SLC17A1: variants seen among roughly 807,000 people sequenced by gnomAD.
SLC17A1 encodes the protein solute carrier family 17 member 1.
Under a neutral mutation model 53.5 loss-of-function variants are expected in SLC17A1, and 51 were observed. That is an observed-to-expected ratio of 0.95 (90% CI 0.76 to 1.20). SLC17A1 has a LOEUF of 1.20. SLC17A1 is among the 50% of genes most tolerant of loss of function. The pLI, the probability that SLC17A1 is intolerant of heterozygous loss-of-function variation, is 0.00. For synonymous variants in SLC17A1, 179 were observed against 198.8 expected, an observed-to-expected ratio of 0.90 and a Z score of 0.84; for missense variants, 538 against 568.2, an observed-to-expected ratio of 0.95 and a Z score of 0.54.
intron 12 of SLC17A1, 114 bp downstream of exon 12, chr6:25,798,669 C>G: frequency 1.1e-6 from 1 of 918,350 alleles, no homozygotes; most frequent in Non-Finnish European, 1.6e-6. Context: ...AACATGGTCT[C>G]CTCTTCTCCA....
At chr6:25,784,842 A>G (rs1429527046) in intron 12 of SLC17A1, among the ~76,000 whole-genome samples, 1 of 152,208 alleles carries the variant, frequency 6.6e-6, no homozygotes, top group African/African-American at 2.4e-5. Context: ...TTTCTCTCTA[A>G]GATCACGAAC....
At chr6:25,733,782 CTG>C in the SLC17A1 span, among the ~76,000 whole-genome samples, 87,249 of 144,274 alleles carry the variant, frequency 0.6, 28,327 homozygotes, top group East Asian at 0.78. Flanking sequence ...AAGCCTAATA[CTG>C]TGTGTGTGTG....
At chr6:25,768,424 A>G in the SLC17A1 span, 1 of 986,376 alleles carries the variant, frequency 1.0e-6, no homozygotes, top group Non-Finnish European at 1.2e-6. Flanking sequence ...ATGGAACACT[A>G]GCAAATTTTG....
intron 2 of SLC17A1, among the ~76,000 whole-genome samples, chr6:25,828,436 T>G (rs544856001): frequency 5.9e-5 from 9 of 152,100 alleles, no homozygotes; most frequent in African/African-American, 1.9e-4. Context: ...ATAAATAGAT[T>G]TTTTATATCT....
At chr6:25,814,579 T>C (rs1488409307) in intron 6 of SLC17A1, among the ~76,000 whole-genome samples, 3 of 152,268 alleles carry the variant, frequency 2.0e-5, no homozygotes, top group East Asian at 3.9e-4. Context: ...AAATAAAGAA[T>C]GCCTTTGATG....
At chr6:25,737,247 G>A in the SLC17A1 span, among the ~76,000 whole-genome samples, 2 of 151,966 alleles carry the variant, frequency 1.3e-5, no homozygotes, top group Non-Finnish European at 2.9e-5. Flanking sequence ...TGGATTTTTG[G>A]ATGTCTTTTC....
chr6:25,785,913 G>A (rs1170638858), intron 12 of SLC17A1, among the ~76,000 whole-genome samples: 1 of 152,132 alleles, frequency 6.6e-6, no homozygotes, highest in Non-Finnish European at 1.5e-5. Context: ...GAAGAGTTTG[G>A]CAGTCCCTCA....
chr6:25,772,033 G>A, the SLC17A1 span, among the ~76,000 whole-genome samples: 2 of 152,194 alleles, frequency 1.3e-5, no homozygotes, highest in African/African-American at 4.8e-5. Context: ...AGTCCCACTA[G>A]TGTGTTCATT....
chr6:25,724,163 C>T, the SLC17A1 span, among the ~76,000 whole-genome samples: 1 of 152,202 alleles, frequency 6.6e-6, no homozygotes, highest in African/African-American at 2.4e-5. Context: ...GTGGCTAACA[C>T]TTGTAATCCC....
chr6:25,744,393 T>A, the SLC17A1 span, among the ~76,000 whole-genome samples: 2 of 152,188 alleles, frequency 1.3e-5, no homozygotes, highest in Non-Finnish European at 2.9e-5. Context: ...AGTCACTTAA[T>A]CTTAATCTCT....
the SLC17A1 span, chr6:25,773,173 G>A: frequency 1.2e-6 from 1 of 867,906 alleles, no homozygotes; most frequent in Non-Finnish European, 1.9e-6. Flanking sequence ...GAAGAGTGGT[G>A]TACTGAGGCC....
chr6:25,738,837 A>G, the SLC17A1 span, among the ~76,000 whole-genome samples: 1 of 152,224 alleles, frequency 6.6e-6, no homozygotes, highest in Admixed American at 6.5e-5. Context: ...AGGATGAGGT[A>G]TCACTACACA....
chr6:25,828,770 G>A (rs1452685088), intron 2 of SLC17A1, among the ~76,000 whole-genome samples: 1 of 151,956 alleles, frequency 6.6e-6, no homozygotes, highest in Non-Finnish European at 1.5e-5. Flanking sequence ...GTTTGAACTA[G>A]CAAAAGACTG....
downstream of SLC17A1, among the ~76,000 whole-genome samples, chr6:25,778,273 C>T (rs1054035432): frequency 6.6e-6 from 1 of 151,848 alleles, no homozygotes; most frequent in Non-Finnish European, 1.5e-5. Context: ...TGGAAAAAAA[C>T]ACTGCCATAT....
the SLC17A1 span, among the ~76,000 whole-genome samples, chr6:25,731,421 C>CT: frequency 2.6e-5 from 4 of 152,272 alleles, no homozygotes; most frequent in South Asian, 6.2e-4. Flanking sequence ...AGCTCCAGGC[C>CT]TTTTTTGCTG....
the SLC17A1 span, among the ~76,000 whole-genome samples, chr6:25,755,022 G>T: frequency 7.2e-6 from 1 of 139,306 alleles, no homozygotes; most frequent in Non-Finnish European, 1.5e-5. Flanking sequence ...TAGCTGAACA[G>T]AGACAGACAG....
In SLC17A1 at chr6:25,826,607, C is replaced by G. The variant is rs1331506594; in HGVS notation, c.61G>C (p.Gly21Arg). 1.3e-6 allele frequency: 2 copies of G among 1,585,286 alleles called. No individual in the cohort carries two copies. Among genetic ancestry groups the G allele is most frequent in the Non-Finnish European group, 1.7e-6 (2 of 1,164,800 alleles). ...CAACAGTGCACAAGGAAAGACAATC[C>G]ATAGCGAAAGGAACAGAAACCTGGA... Reference protein sequence around the residue: ...KVPGFCSFRYGLSFLVHCCNV... With the variant: ...KVPGFCSFRYRLSFLVHCCNV... The change falls in exon 3 of 13, where the codon GGA (glycine) becomes CGA (arginine). Residue 21 changes from glycine (G) to arginine (R), a missense_variant. Transcript: ENST00000244527.
chr6:25,726,588 T>G, the SLC17A1 span: 1 of 1,539,788 alleles, frequency 6.5e-7, no homozygotes, highest in Non-Finnish European at 8.8e-7. Flanking sequence ...ACTGGGCCTA[T>G]TTATAGTCTG....
intron 10 of SLC17A1, among the ~76,000 whole-genome samples, chr6:25,805,710 C>T (rs1763928836): frequency 6.6e-6 from 1 of 151,836 alleles, no homozygotes; most frequent in African/African-American, 2.4e-5. Context: ...TACAGAAATA[C>T]AAAAGACCAT....
Sources: allele counts gnomAD v4.1 joint callset (sites outside exome capture counted in the v4.1 genomes callset), GRCh38; gene constraint gnomAD v4.1.1; transcripts MANE v1.5; gene names NCBI Gene and HGNC (gene_info 2026-07-23, HGNC 2026-07-21).